Variants in MAL2 observed in about 807,000 individuals in gnomAD.
MAL2 encodes protein MAL2.
MAL2 carries 17 observed loss-of-function variants against 18.1 expected under a neutral mutation model. That is an observed-to-expected ratio of 0.94 (90% CI 0.64 to 1.41). The LOEUF is 1.41. MAL2 is among the 40% of genes most tolerant of loss of function. The pLI is 0.00. For missense variants in MAL2, 222 were observed against 231.9 expected, an observed-to-expected ratio of 0.96 and a Z score of 0.28; for synonymous variants, 102 against 102.3, an observed-to-expected ratio of 1.00 and a Z score of 0.02.
At chr8:119,237,972 G>C (rs893083605) in intron 2 of MAL2, among the ~76,000 whole-genome samples, 4 of 152,166 alleles carry the variant, frequency 2.6e-5, no homozygotes, top group African/African-American at 7.2e-5. Flanking sequence ...AAGGTATTCA[G>C]TTAGGAAAAG....
At chr8:119,227,275 A>G (rs1258199658) in intron 2 of MAL2, among the ~76,000 whole-genome samples, 3 of 152,202 alleles carry the variant, frequency 2.0e-5, no homozygotes, top group Non-Finnish European at 2.9e-5. Context: ...TGGATTGAGA[A>G]GTACAAGAGT....
At chr8:119,229,784 C>A (rs1817675684) in intron 2 of MAL2, among the ~76,000 whole-genome samples, 1 of 152,200 alleles carries the variant, frequency 6.6e-6, no homozygotes, top group Non-Finnish European at 1.5e-5. Flanking sequence ...TAGGAGCCAA[C>A]TCTTCCAAAA....
rs575639146 is a variant in MAL2 at position 119,237,406 on chromosome 8, G to A, written c.304-2759G>A. Among the ~76,000 whole-genome samples, 4 of 151,596 alleles carry A rather than the reference G, an allele frequency of 2.6e-5. No homozygotes were observed. The South Asian group carries it at 6.2e-4, about 24-fold the overall frequency. ...CCTTCTGCAACTATTCCAATCAATA[G>A]AAAAAGAGGGAATCCTCCCTAACTC... On this transcript the variant is annotated intron_variant, in intron 2 of 3. Transcript: ENST00000614891.
intron 3 of MAL2, among the ~76,000 whole-genome samples, chr8:119,242,327 C>T (rs1214491264): frequency 6.6e-6 from 1 of 152,130 alleles, no homozygotes; most frequent in African/African-American, 2.4e-5. Context: ...CCCTGTTGTC[C>T]TTCCCTTTCT....
chr8:119,215,645 T>C (rs972878454), intron 1 of MAL2: 16 of 152,192 alleles, frequency 1.1e-4, no homozygotes, highest in African/African-American at 3.9e-4. Context: ...ACATGGTAAC[T>C]GGAGTTTAGT....
At chr8:119,228,485 T>G (rs945085153) in intron 2 of MAL2, among the ~76,000 whole-genome samples, 1 of 152,176 alleles carries the variant, frequency 6.6e-6, no homozygotes, top group African/African-American at 2.4e-5. Context: ...GTGTATCTAC[T>G]GCATCCTAAA....
In MAL2 at chr8:119,239,754, A is replaced by G. The variant is rs952927555; in HGVS notation, c.304-411A>G. On this transcript the variant is annotated intron_variant, in intron 2 of 3. Coordinates refer to ENST00000614891, the MANE Select transcript of MAL2 (RefSeq NM_052886.3). ...ATGGACACAGGAAGGGGAACATCAC[A>G]CTCTGGGGACTGTTGTGGGGAGGGA... Among the ~76,000 whole-genome samples, 7 of 148,456 alleles carry G rather than the reference A, an allele frequency of 4.7e-5. No individual in the cohort carries two copies. The East Asian group carries it at 1.2e-3, about 25-fold the overall frequency.
At chr8:119,229,180 C>T (rs1817656140) in intron 2 of MAL2, among the ~76,000 whole-genome samples, 1 of 151,826 alleles carries the variant, frequency 6.6e-6, no homozygotes, top group Non-Finnish European at 1.5e-5. Flanking sequence ...AGAAAGATCT[C>T]CACATAGTAT....
intron 1 of MAL2, among the ~76,000 whole-genome samples, chr8:119,217,417 G>A (rs1025824005): frequency 6.6e-6 from 1 of 152,186 alleles, no homozygotes; most frequent in African/African-American, 2.4e-5. Flanking sequence ...GGGAGATGCT[G>A]ATACCTACTC....
intron 2 of MAL2, among the ~76,000 whole-genome samples, chr8:119,229,218 C>G (rs1471486023): frequency 6.6e-6 from 1 of 152,094 alleles, no homozygotes; most frequent in Non-Finnish European, 1.5e-5. Flanking sequence ...TTCCTTGTCC[C>G]TGAAGCTTTG....
intron 1 of MAL2, chr8:119,215,327 T>G (rs1817331925): frequency 6.6e-6 from 1 of 152,154 alleles, no homozygotes; most frequent in Admixed American, 6.5e-5. Flanking sequence ...CCGGAGTGTG[T>G]TCCTAGCATC....
At chr8:119,221,503 G>A in intron 1 of MAL2, 84 bp from the exon 2 acceptor site, 2 of 1,525,898 alleles carry the variant, frequency 1.3e-6, no homozygotes, top group Non-Finnish European at 1.8e-6. Flanking sequence ...TGAAGGCAAT[G>A]CTGAGGGTAA....
At chr8:119,242,302 C>T (rs1818063496) in intron 3 of MAL2, among the ~76,000 whole-genome samples, 1 of 152,158 alleles carries the variant, frequency 6.6e-6, no homozygotes, top group Admixed American at 6.5e-5. Flanking sequence ...GGCTGCTTCT[C>T]TTTTGTGACT....
In MAL2 at chr8:119,208,556, C is replaced by T. The variant is rs747724437; in HGVS notation, c.84C>T (p.Gly28=). 2.9e-6 allele frequency: 4 copies of T among 1,400,466 alleles called. No homozygotes were observed. The highest frequency in any genetic ancestry group is 3.7e-6 in the Non-Finnish European group (4 of 1,072,398). The allele number at this position is 1,400,466 out of a possible 1,614,324, so 86.8% of individuals were successfully genotyped here. A position where few individuals can be genotyped will look rare whatever the true frequency, so the allele number is the denominator to read the frequency against. The part of the protein sequence containing the change: ...FPPPRVTLPA[G]PDILRTYSGA... ...CGCCCCGGGTCACCCTGCCCGCCGG[C>T]CCCGACATCCTGCGGACCTACTCGG... The change falls in exon 1 of 4, where the codon GGC becomes GGT. Residue 28 remains glycine, a synonymous_variant. Coordinates refer to ENST00000614891, the MANE Select transcript of MAL2 (RefSeq NM_052886.3). This position sits in a 1 kb window ranked among gnomAD's most constrained non-coding sequence, Gnocchi z 4.3.
intron 3 of MAL2, among the ~76,000 whole-genome samples, chr8:119,240,729 C>T (rs114907286): frequency 0.013 from 1,971 of 152,200 alleles, 46 homozygotes; most frequent in African/African-American, 0.046. Flanking sequence ...GTGGGCCTAC[C>T]ATTTATCAAG....
intron 2 of MAL2, among the ~76,000 whole-genome samples, chr8:119,234,734 C>A (rs1817837215): frequency 1.3e-5 from 2 of 151,736 alleles, no homozygotes; most frequent in African/African-American, 4.9e-5. Context: ...TCCAACAGAC[C>A]TGCAGCTGAG....
chr8:119,215,150 A>G (rs1057211136), intron 1 of MAL2: 39 of 152,344 alleles, frequency 2.6e-4, no homozygotes, highest in African/African-American at 9.4e-4. Flanking sequence ...GGCAAGAGGT[A>G]CAAAGTTTCC....
intron 1 of MAL2, among the ~76,000 whole-genome samples, chr8:119,211,497 T>C (rs1323625202): frequency 5.3e-5 from 8 of 152,216 alleles, no homozygotes; most frequent in Non-Finnish European, 1.2e-4. Flanking sequence ...AGTTTGGTTC[T>C]CACACTAACC....
chr8:119,226,814 A>G lies in MAL2; in HGVS notation c.303+5057A>G, dbSNP rs569660494. Among the ~76,000 whole-genome samples, 6 of 152,300 alleles carry G rather than the reference A, an allele frequency of 3.9e-5. No individual in the cohort carries two copies. The East Asian group carries it at 1.2e-3, about 29-fold the overall frequency. ...GACCTGCTAAGTCAGAAACTCTGGG[A>G]GTAGGACTCAGCTGTCTTGTGTTTA... On this transcript the variant is annotated intron_variant, in intron 2 of 3. Transcript: ENST00000614891.
Sources: allele counts gnomAD v4.1 joint callset (sites outside exome capture counted in the v4.1 genomes callset), GRCh38; gene constraint gnomAD v4.1.1; non-coding constraint Gnocchi (gnomAD v3.1); transcripts MANE v1.5; gene names NCBI Gene and HGNC (gene_info 2026-07-23, HGNC 2026-07-21).